TCF4: variants seen among roughly 807,000 people sequenced by gnomAD.
The protein encoded by TCF4 is SL3-3 enhancer factor 2.
In TCF4, 3 loss-of-function variants were observed where a neutral mutation model predicts 82.1. The observed-to-expected ratio is 0.04, with a 90% CI of 0.02 to 0.09. The LOEUF is 0.09. Ranked by LOEUF, TCF4 falls within the 10% of genes least tolerant of loss-of-function variation. The probability of loss-of-function intolerance (pLI) is 1.00; values close to 1 mark genes in which losing one functional copy is unlikely to be tolerated. For synonymous variants in TCF4, 276 were observed against 309.6 expected, an observed-to-expected ratio of 0.89 and a Z score of 1.14; for missense variants, 518 against 852.7, an observed-to-expected ratio of 0.61 and a Z score of 4.89.
At chr18:55,410,960 C>T (rs567250491) in intron 5 of TCF4, among the ~76,000 whole-genome samples, 2 of 152,242 alleles carry the variant, frequency 1.3e-5, no homozygotes, top group East Asian at 3.9e-4. Context: ...AAATCAGCCC[C>T]TCACTTGGCA....
chr18:55,587,409 G>A (rs1338946401), intron 1 of TCF4, among the ~76,000 whole-genome samples: 1 of 110,082 alleles, frequency 9.1e-6, no homozygotes, highest in Non-Finnish European at 1.8e-5. Context: ...GATCAAACTG[G>A]TAACATCCAC....
At chr18:55,318,170 C>A (rs73490813) in intron 8 of TCF4, among the ~76,000 whole-genome samples, 8,157 of 152,094 alleles carry the variant, frequency 0.054, 279 homozygotes, top group African/African-American at 0.096. Context: ...ATTTTATCTT[C>A]GTGGATATGC....
Position 55,223,153 on chromosome 18 carries a change from T to G in TCF4, c.*4882A>C, listed in dbSNP as rs909022668. The G allele has an allele frequency of 1.3e-5, 2 of 152,236 alleles. No homozygotes were observed. The highest frequency in any genetic ancestry group is 2.9e-5 in the Non-Finnish European group (2 of 68,046). The allele number at this position is 152,236 out of a possible 1,614,324, so 9.4% of individuals were successfully genotyped here. On this transcript the variant is annotated 3_prime_UTR_variant, in exon 20 of 20. Coordinates refer to ENST00000354452, the MANE Select transcript of TCF4 (RefSeq NM_001083962.2). ...CTGGTGCAGTTCAGAGCTCTTCAAA[T>G]GCATAGCTTCAGTGTTACACACACA...
chr18:55,558,111 C>T (rs978567245), intron 3 of TCF4, among the ~76,000 whole-genome samples: 3 of 151,966 alleles, frequency 2.0e-5, no homozygotes, highest in African/African-American at 4.8e-5. Context: ...ACTCAGCAGG[C>T]GGCGGTAGGA....
intron 3 of TCF4, among the ~76,000 whole-genome samples, chr18:55,489,484 C>G (rs1312559597): frequency 6.6e-6 from 1 of 151,906 alleles, no homozygotes; most frequent in African/African-American, 2.4e-5. Context: ...TAGTCATCAC[C>G]CCAAACAAGA....
chr18:55,413,602 T>C (rs2094432054), intron 5 of TCF4, among the ~76,000 whole-genome samples: 1 of 152,064 alleles, frequency 6.6e-6, no homozygotes, highest in Non-Finnish European at 1.5e-5. Context: ...GGTCCCATGC[T>C]GCAGTGTTTA....
chr18:55,581,918 A>G (rs942420334), intron 3 of TCF4, among the ~76,000 whole-genome samples: 9 of 152,132 alleles, frequency 5.9e-5, no homozygotes, highest in African/African-American at 1.7e-4. Flanking sequence ...GTCACAGGGG[A>G]AAAAGCTCAA....
At chr18:55,428,196 C>T (rs1284536775) in intron 5 of TCF4, among the ~76,000 whole-genome samples, 1 of 152,204 alleles carries the variant, frequency 6.6e-6, no homozygotes, top group Non-Finnish European at 1.5e-5. Context: ...AAAAAAGACA[C>T]ACCCATCCCC....
intron 3 of TCF4, among the ~76,000 whole-genome samples, chr18:55,580,707 T>A (rs2097567202): frequency 6.6e-6 from 1 of 151,684 alleles, no homozygotes; most frequent in South Asian, 2.1e-4. Flanking sequence ...TATCACACTG[T>A]TTGCCTATAT....
chr18:55,497,492 C>T (rs1355939344), intron 3 of TCF4, among the ~76,000 whole-genome samples: 1 of 152,032 alleles, frequency 6.6e-6, no homozygotes, highest in Non-Finnish European at 1.5e-5. Flanking sequence ...TTCATATTTG[C>T]ATAAGGGGAT....
At chr18:55,605,268 G>A (rs1014333006) in intron 2 of TCF4, among the ~76,000 whole-genome samples, 21 of 152,204 alleles carry the variant, frequency 1.4e-4, no homozygotes, top group African/African-American at 3.9e-4. Flanking sequence ...AAATAACAGC[G>A]TATGTGTGTG....
chr18:55,413,250 A>G (rs1384600133), intron 5 of TCF4, among the ~76,000 whole-genome samples: 3 of 152,184 alleles, frequency 2.0e-5, no homozygotes, highest in African/African-American at 7.2e-5. Flanking sequence ...TTGTATACGT[A>G]TCTGTAATAT....
intron 6 of TCF4, chr18:55,383,959 G>A (rs763865528): frequency 6.6e-6 from 1 of 152,092 alleles, no homozygotes; most frequent in Non-Finnish European, 1.5e-5. Flanking sequence ...GAAACCCCAC[G>A]AACAATCACT....
At chr18:55,402,148 G>A in intron 6 of TCF4, 1 of 985,458 alleles carries the variant, frequency 1.0e-6, no homozygotes, top group Non-Finnish European at 1.2e-6. Context: ...CACTCCGGCA[G>A]GAGCTCTTAA....
intron 3 of TCF4, among the ~76,000 whole-genome samples, chr18:55,582,057 G>A (rs754973678): frequency 6.6e-6 from 1 of 151,932 alleles, no homozygotes; most frequent in African/African-American, 2.4e-5. Context: ...ACTTTAAAAC[G>A]ACTTTTTAAA....
At position 55,613,738 on chromosome 18, in the gene TCF4, A is replaced by C. The variant is rs530884040; in HGVS notation, c.286+17560T>G. ...TCACAAGAACTATCACACGAACAGC[A>C]AGGTGAGAAATCTGCCCCATGATCC... On this transcript the variant is annotated intron_variant, in intron 2 of 20. Transcript: ENST00000398339. 9.2e-5 allele frequency among the ~76,000 whole-genome samples: 14 copies of C among 152,284 alleles called. No homozygotes were observed. In the South Asian group the frequency reaches 2.1e-3, roughly 23 times the overall value.
chr18:55,601,550 A>G (rs2097697019), intron 2 of TCF4, among the ~76,000 whole-genome samples: 1 of 151,800 alleles, frequency 6.6e-6, no homozygotes, highest in Admixed American at 6.6e-5. Flanking sequence ...TTGGGAGGCC[A>G]AGGCGGGCAG....
intron 5 of TCF4, among the ~76,000 whole-genome samples, chr18:55,420,566 G>A (rs79145400): frequency 1.5e-4 from 22 of 146,902 alleles, no homozygotes; most frequent in Admixed American, 6.0e-4. Context: ...CCAGGATTCC[G>A]GGGGCTAATA....
At chr18:55,422,273 G>A (rs1456052767) in intron 5 of TCF4, 2 of 985,222 alleles carry the variant, frequency 2.0e-6, no homozygotes, top group Non-Finnish European at 2.4e-6. Context: ...GCATGTGGAT[G>A]AATAAACTGT....
Sources: gnomAD v4.1 joint callset for allele counts (sites outside exome capture counted in the v4.1 genomes callset) on GRCh38, gnomAD v4.1.1 for gene constraint, MANE v1.5 for transcripts, NCBI Gene and HGNC (gene_info 2026-07-23, HGNC 2026-07-21) for gene names.